The following STXBP3 variants were observed in gnomAD, a reference collection of about 807,000 sequenced individuals.
STXBP3 encodes the protein syntaxin binding protein 3, also known as syntaxin-binding protein 3.
STXBP3 carries 41 observed loss-of-function variants against 85.7 expected under a neutral mutation model. The ratio of observed to expected loss-of-function variants is 0.48; its 90% CI spans 0.37 to 0.62. The LOEUF is 0.62. STXBP3 is among the 20% of genes least tolerant of loss of function. The probability of loss-of-function intolerance (pLI) is 0.00; values close to 1 mark genes in which losing one functional copy is unlikely to be tolerated. For missense variants in STXBP3, 563 were observed against 703.1 expected (o/e 0.80, Z 2.25); for synonymous variants, 229 against 231.7 (o/e 0.99, Z 0.10).
chr1:108,775,445 CTTAG>C (rs1240913734), intron 7 of STXBP3, among the ~76,000 whole-genome samples: 1 of 152,020 alleles, frequency 6.6e-6, no homozygotes, highest in Non-Finnish European at 1.5e-5. Context: ...CAATTATACT[CTTAG>C]TTATTTTTAA....
At chr1:108,802,234 TA>T (rs1663246958) in intron 17 of STXBP3, among the ~76,000 whole-genome samples, 2 of 151,932 alleles carry the variant, frequency 1.3e-5, no homozygotes, top group African/African-American at 4.8e-5. Flanking sequence ...CCATCTCTAC[TA>T]AAAATACAAA....
intron 11 of STXBP3, 137 bp downstream of exon 11, chr1:108,782,843 C>T: frequency 1.5e-6 from 1 of 660,428 alleles, no homozygotes. Flanking sequence ...CCTACGTACC[C>T]ATTGCCTAGT....
chr1:108,796,739 A>G lies in STXBP3; in HGVS notation c.1356+13A>G. ...CATTGTTCCCCAAGTAAGAAGTCTTATGTTGTGTATATACTTTATATGTAT... is the reference window on the plus strand; with the variant it reads ...CATTGTTCCCCAAGTAAGAAGTCTTGTGTTGTGTATATACTTTATATGTAT... On this transcript the variant is annotated intron_variant, in intron 15 of 18. Transcript: ENST00000370008. 6.2e-7 allele frequency: 1 copy of G among 1,604,670 alleles called. No homozygotes were observed. Among genetic ancestry groups the G allele is most frequent in the South Asian group, 1.1e-5 (1 of 90,570 alleles).
chr1:108,800,104 T>TA (rs1389779295), intron 16 of STXBP3, 116 bp from the exon 17 acceptor site: 1 of 703,972 alleles, frequency 1.4e-6, no homozygotes, highest in African/African-American at 1.8e-5. Flanking sequence ...ACTAATCTTA[T>TA]ACTAAATATT....
intron 1 of STXBP3, among the ~76,000 whole-genome samples, chr1:108,749,257 A>G (rs1661855675): frequency 6.6e-6 from 1 of 152,240 alleles, no homozygotes; most frequent in Non-Finnish European, 1.5e-5. Context: ...GAAAATGACA[A>G]TAATACTTAG....
intron 11 of STXBP3, among the ~76,000 whole-genome samples, chr1:108,789,149 G>A (rs1049660577): frequency 7.2e-5 from 11 of 152,238 alleles, no homozygotes; most frequent in African/African-American, 1.7e-4. Context: ...ACTCTTGCAT[G>A]TTTTATCTTT....
intron 13 of STXBP3, 88 bp from the exon 14 acceptor site, chr1:108,796,146 A>T: frequency 1.4e-6 from 2 of 1,413,492 alleles, no homozygotes; most frequent in Non-Finnish European, 1.9e-6. Context: ...TACAGGCGTG[A>T]GCCACTGTAC....
intron 11 of STXBP3, among the ~76,000 whole-genome samples, chr1:108,783,727 G>C (rs1410971913): frequency 6.6e-6 from 1 of 152,100 alleles, no homozygotes; most frequent in Non-Finnish European, 1.5e-5. Flanking sequence ...AGCTTTAATA[G>C]GTAATGCCAA....
chr1:108,780,183 T>A (rs570909864), intron 9 of STXBP3: 13 of 152,296 alleles, frequency 8.5e-5, no homozygotes, highest in African/African-American at 1.4e-4. Flanking sequence ...TACAGACACT[T>A]GTGATAGTTA....
Position 108,752,265 on chromosome 1 carries a change from G to T in STXBP3, c.58G>T (p.Ala20Ser), listed in dbSNP as rs771711734. 1 of 1,610,578 alleles carries T rather than the reference G, an allele frequency of 6.2e-7. No homozygotes were observed. Among genetic ancestry groups the T allele is most frequent in the South Asian group, 1.1e-5 (1 of 90,348 alleles). ...CTTTCTTTTTTAAACAGAGATAAAA[G>T]CAACAGTGTTTGATGACTGCAAGAA... ...LKSVVWQKIK[A>S]TVFDDCKKEG... Residue 20 changes from alanine (A) to serine (S), a missense_variant, in exon 2 of 19, where the codon GCA (alanine) becomes TCA (serine). Around this residue, in one of 3 missense-constraint regions of STXBP3, gnomAD observed 37 missense variants for 39.7 expected, o/e 0.93. Transcript: ENST00000370008.
intron 6 of STXBP3, among the ~76,000 whole-genome samples, chr1:108,770,870 T>C (rs1662377269): frequency 6.6e-6 from 1 of 152,164 alleles, no homozygotes; most frequent in Non-Finnish European, 1.5e-5. Context: ...GAGGTTTTGC[T>C]GTACATACGT....
At chr1:108,748,248 T>A (rs750727943) in intron 1 of STXBP3, among the ~76,000 whole-genome samples, 15 of 152,104 alleles carry the variant, frequency 9.9e-5, no homozygotes, top group Non-Finnish European at 1.9e-4. Context: ...AAAGAAAAAA[T>A]TATGGCCAGG....
At chr1:108,747,379 C>T (rs1189478446) in intron 1 of STXBP3, among the ~76,000 whole-genome samples, 1 of 152,128 alleles carries the variant, frequency 6.6e-6, no homozygotes. Context: ...GACCGGTGTC[C>T]AGCCGTGACA....
At chr1:108,772,168 T>TATCTATCTATATATCATATATAAATACA (rs1662465896) in intron 6 of STXBP3, among the ~76,000 whole-genome samples, 1 of 32,486 alleles carries the variant, frequency 3.1e-5, no homozygotes, top group African/African-American at 1.1e-4. Context: ...TAAATACATA[T>TATCTATCTATATATCATATATAAATACA]GATATCTATC....
intron 2 of STXBP3, among the ~76,000 whole-genome samples, 188 bp downstream of exon 2, chr1:108,752,494 G>C (rs967583337): frequency 2.6e-5 from 4 of 152,120 alleles, no homozygotes; most frequent in Non-Finnish European, 5.9e-5. Flanking sequence ...TAAGAGATTT[G>C]AGCATCCATG....
chr1:108,782,540 T>G (rs541125035), intron 10 of STXBP3, 23 bp downstream of exon 10: 1 of 1,609,850 alleles, frequency 6.2e-7, no homozygotes, highest in Non-Finnish European at 8.5e-7. Context: ...ATTTTAATTT[T>G]TGTTCCATAA....
intron 3 of STXBP3, among the ~76,000 whole-genome samples, chr1:108,756,470 T>C (rs913774697): frequency 2.0e-5 from 3 of 152,130 alleles, no homozygotes; most frequent in African/African-American, 7.2e-5. Flanking sequence ...ACATTATTCA[T>C]GTAAGAAAAT....
Position 108,775,920 on chromosome 1 carries a change from AACAC to A in STXBP3, c.594-383_594-380del, listed in dbSNP as rs59575550. On this transcript the variant is annotated intron_variant, in intron 7 of 18. Transcript: ENST00000370008. Reference sequence around the variant, plus strand: ...TCAATGTCAATGTAGATAAATCTCAAACACACACACACACACACACACACACACA... The same window carrying A: ...TCAATGTCAATGTAGATAAATCTCAAACACACACACACACACACACACACA... Among the ~76,000 whole-genome samples the A allele has an allele frequency of 3.8e-3, 577 of 150,084 alleles. 2 individuals carry two copies. Among genetic ancestry groups the A allele is most frequent in the Middle Eastern group, 0.021 (6 of 292 alleles).
chr1:108,769,626 C>T (rs1471133417), intron 6 of STXBP3, among the ~76,000 whole-genome samples: 1 of 151,880 alleles, frequency 6.6e-6, no homozygotes, highest in Non-Finnish European at 1.5e-5. Context: ...AAGCATGTGG[C>T]AGTAGTCTTA....
Sources: allele counts gnomAD v4.1 joint callset (sites outside exome capture counted in the v4.1 genomes callset), GRCh38; gene constraint gnomAD v4.1.1; regional missense constraint gnomAD v4.1.1; transcripts MANE v1.5; gene names NCBI Gene and HGNC (gene_info 2026-07-23, HGNC 2026-07-21).